The following FBXW4 variants were observed in gnomAD, a reference collection of about 807,000 sequenced individuals.
The protein encoded by FBXW4 is F-box and WD repeat domain containing 4, also known as F-box/WD repeat-containing protein 4.
Under a neutral mutation model 61.8 loss-of-function variants are expected in FBXW4, and 40 were observed. The observed-to-expected ratio is 0.65, with a 90% confidence interval of 0.50 to 0.84. FBXW4 has a LOEUF of 0.84. Among genes scored for constraint, FBXW4 ranks in the 40% least tolerant of loss-of-function variants. The pLI, the probability that FBXW4 is intolerant of heterozygous loss-of-function variation, is 0.00. For missense variants in FBXW4, 672 were observed against 753.8 expected (o/e 0.89, Z 1.27); for synonymous variants, 311 against 313.8 (o/e 0.99, Z 0.10).
rs2134895204 is a variant in FBXW4 at position 101,673,667 on chromosome 10, C to T, written c.828G>A (p.Met276Ile). 6.2e-7 allele frequency: 1 copy of T among 1,612,308 alleles called. No individual in the cohort carries two copies. Among genetic ancestry groups the T allele is most frequent in the South Asian group, 1.1e-5 (1 of 91,032 alleles). Residue 276 changes from methionine (M) to isoleucine (I), a missense_variant, in exon 3 of 9, where the codon ATG becomes ATA. Met to Ile is a conservative substitution (Grantham distance 10, BLOSUM62 1). Transcript: ENST00000331272. ...GILLKWRCSQ[M>I]PWMQLEDDSL... ...AATCATCCTCTAGCTGCATCCAGGG[C>T]ATCTGACTGAAATGATGGAAAAGAA...
At chr10:101,613,520 T>C (rs2063804142) in intron 6 of FBXW4, among the ~76,000 whole-genome samples, 1 of 152,224 alleles carries the variant, frequency 6.6e-6, no homozygotes, top group Non-Finnish European at 1.5e-5. Context: ...TAAGAGGCCC[T>C]GGCATGGAGT....
At chr10:101,623,410 T>G (rs1271860267) in intron 6 of FBXW4, among the ~76,000 whole-genome samples, 1 of 151,672 alleles carries the variant, frequency 6.6e-6, no homozygotes, top group Non-Finnish European at 1.5e-5. Context: ...ATATAGATTT[T>G]AAAAAAGAAA....
intron 5 of FBXW4, among the ~76,000 whole-genome samples, chr10:101,651,539 C>A (rs2064146060): frequency 6.6e-6 from 1 of 152,146 alleles, no homozygotes. Flanking sequence ...AACCAGGAGG[C>A]AGCAGCTTGG....
chr10:101,665,266 C>T (rs2064287202), intron 5 of FBXW4, among the ~76,000 whole-genome samples: 1 of 152,152 alleles, frequency 6.6e-6, no homozygotes, highest in Non-Finnish European at 1.5e-5. Context: ...CAAACACAAA[C>T]TATTTTTTAA....
chr10:101,695,148 C>G lies in FBXW4; in HGVS notation c.-43G>C. The G allele has an allele frequency of 1.0e-6, 1 of 985,260 alleles. No individual in the cohort carries two copies. The highest frequency in any genetic ancestry group is 1.2e-6 in the Non-Finnish European group (1 of 830,026). The allele number at this position is 985,260 out of a possible 1,614,324, so 61.0% of individuals were successfully genotyped here. ...GCCCGACGCGGAGCCCAGCCCGAGC[C>G]GCCACCGCCGCCGCCCCGGGAGGAG... On this transcript the variant is annotated 5_prime_UTR_variant, in exon 1 of 9. Transcript: ENST00000331272. This position sits in a 1 kb window ranked among gnomAD's most constrained non-coding sequence, Gnocchi z 4.2.
chr10:101,672,209 A>G (rs769386031), intron 4 of FBXW4, among the ~76,000 whole-genome samples: 14 of 152,250 alleles, frequency 9.2e-5, no homozygotes, highest in Non-Finnish European at 1.5e-4. Context: ...AAGTTCCCAC[A>G]GCAACCCTAA....
At chr10:101,613,509 G>A (rs766682177) in intron 6 of FBXW4, among the ~76,000 whole-genome samples, 1 of 152,246 alleles carries the variant, frequency 6.6e-6, no homozygotes, top group Non-Finnish European at 1.5e-5. Context: ...GGATGTCCAG[G>A]TAAGAGGCCC....
chr10:101,641,096 G>A lies in FBXW4; in HGVS notation c.1236-16286C>T, dbSNP rs575894623. 2.0e-5 allele frequency among the ~76,000 whole-genome samples: 3 copies of A among 152,266 alleles called. No individual in the cohort carries two copies. The East Asian group carries it at 5.8e-4, about 29-fold the overall frequency. Reference sequence around the variant, plus strand: ...TCCACCCACCTCGGCCTCCCAAAGTGCTGGGATTACAGGCATGAGCCACCG... The same window carrying A: ...TCCACCCACCTCGGCCTCCCAAAGTACTGGGATTACAGGCATGAGCCACCG... On this transcript the variant is annotated intron_variant, in intron 5 of 8. Coordinates refer to ENST00000331272, the MANE Select transcript of FBXW4 (RefSeq NM_022039.4).
chr10:101,612,334 C>T lies in FBXW4; in HGVS notation c.1442+3G>A. The stretch of plus-strand genomic sequence containing the variant: ...ACCTGTCCTCCCTGCCCAGCACACT[C>T]ACCGGACGCTGGTGCGGAGGTCCCA... On this transcript the variant is annotated splice_donor_region_variant and intron_variant, in intron 7 of 8. Transcript: ENST00000331272. 6.4e-7 allele frequency: 1 copy of T among 1,558,982 alleles called. No homozygotes were observed. The highest frequency in any genetic ancestry group is 1.2e-5 in the South Asian group (1 of 80,204).
chr10:101,649,930 G>T (rs1039064805), intron 5 of FBXW4, among the ~76,000 whole-genome samples: 4 of 152,226 alleles, frequency 2.6e-5, no homozygotes, highest in Non-Finnish European at 5.9e-5. Flanking sequence ...GGGGCCTGGA[G>T]GCCTTCATCC....
At position 101,657,122 on chromosome 10, in the gene FBXW4, G is replaced by A. The variant is rs902237663; in HGVS notation, c.1235+10764C>T. On this transcript the variant is annotated intron_variant, in intron 5 of 8. Transcript: ENST00000331272. ...TTGTCAGCACCTCAGATAGGCCTGAGCCAAGCCTATATGACAGGATCCCAC... is the reference window on the plus strand; with the variant it reads ...TTGTCAGCACCTCAGATAGGCCTGAACCAAGCCTATATGACAGGATCCCAC... 2.6e-5 allele frequency among the ~76,000 whole-genome samples: 4 copies of A among 152,064 alleles called. No individual in the cohort carries two copies. The South Asian group carries it at 6.2e-4, about 24-fold the overall frequency.
chr10:101,640,737 C>T (rs191629018), intron 5 of FBXW4, among the ~76,000 whole-genome samples: 6 of 151,028 alleles, frequency 4.0e-5, no homozygotes, highest in South Asian at 2.1e-4. Flanking sequence ...GCTGGTCTCA[C>T]GCTCCTGGCC....
intron 5 of FBXW4, among the ~76,000 whole-genome samples, chr10:101,666,011 CT>C (rs1404777914): frequency 6.6e-6 from 1 of 152,204 alleles, no homozygotes; most frequent in Non-Finnish European, 1.5e-5. Flanking sequence ...CACCAGCACA[CT>C]TGTCATTTCT....
At chr10:101,615,355 T>G (rs10883666) in intron 6 of FBXW4, among the ~76,000 whole-genome samples, 33,631 of 151,730 alleles carry the variant, frequency 0.22, 4,314 homozygotes, top group Non-Finnish European at 0.29. Flanking sequence ...GCCTCCAGGA[T>G]CCACTAAGGG....
Position 101,612,415 on chromosome 10 carries a change from A to T in FBXW4, c.1364T>A (p.Met455Lys), listed in dbSNP as rs373820445. ...FPPGAGVLDV[M>K]YESPFTLLSC... ...CAGCAGTGTGAAAGGGGACTCATACATGACATCCAGCACCCCAGCCCCTGG... is the reference window on the plus strand; with the variant it reads ...CAGCAGTGTGAAAGGGGACTCATACTTGACATCCAGCACCCCAGCCCCTGG... The change falls in exon 7 of 9, where the codon ATG (methionine) becomes AAG (lysine). Residue 455 changes from methionine to lysine, a missense_variant. Physicochemically the swap from Met to Lys is moderately conservative, Grantham distance 95. Transcript: ENST00000331272. 6.3e-7 allele frequency: 1 copy of T among 1,599,144 alleles called. No homozygotes were observed. Among genetic ancestry groups the T allele is most frequent in the Non-Finnish European group, 8.5e-7 (1 of 1,172,594 alleles).
intron 1 of FBXW4, among the ~76,000 whole-genome samples, chr10:101,692,545 C>T (rs963996623): frequency 1.3e-5 from 2 of 151,696 alleles, no homozygotes; most frequent in Non-Finnish European, 1.5e-5. Context: ...AACCTGAGGT[C>T]GGCAGTTCGA....
At chr10:101,683,511 A>T (rs2064501115) in intron 1 of FBXW4, among the ~76,000 whole-genome samples, 1 of 152,162 alleles carries the variant, frequency 6.6e-6, no homozygotes, top group African/African-American at 2.4e-5. Flanking sequence ...GCCCCTTCAA[A>T]TCTTGGCAAG....
At chr10:101,693,430 T>C (rs2064633076) in intron 1 of FBXW4, among the ~76,000 whole-genome samples, 1 of 152,240 alleles carries the variant, frequency 6.6e-6, no homozygotes, top group African/African-American at 2.4e-5. Flanking sequence ...AATCTCATTA[T>C]GCGACAGCCC....
At chr10:101,678,295 TTCCCATATATC>T (rs942449817) in intron 1 of FBXW4, among the ~76,000 whole-genome samples, 3 of 152,196 alleles carry the variant, frequency 2.0e-5, no homozygotes, top group African/African-American at 7.2e-5. Flanking sequence ...CCACTTTAGG[TTCCCATATATC>T]TCCTGTGTCT....
Sources: gnomAD v4.1 joint callset for allele counts (sites outside exome capture counted in the v4.1 genomes callset) on GRCh38, gnomAD v4.1.1 for gene constraint, Gnocchi (gnomAD v3.1) non-coding constraint, MANE v1.5 for transcripts, NCBI Gene and HGNC (gene_info 2026-07-23, HGNC 2026-07-21) for gene names.